Variants in PRKN observed in about 807,000 individuals in gnomAD.
PRKN encodes the protein E3 ubiquitin-protein ligase parkin.
Under a neutral mutation model 59.5 loss-of-function variants are expected in PRKN, and 56 were observed. The observed-to-expected ratio is 0.94, with a 90% confidence interval of 0.76 to 1.18. The LOEUF (loss-of-function observed/expected upper bound fraction) is 1.18, where lower values mean the gene tolerates loss of function less well. PRKN is among the 50% of genes most tolerant of loss of function. The pLI, the probability that PRKN is intolerant of heterozygous loss-of-function variation, is 0.00. For missense variants in PRKN, 657 were observed against 596.4 expected, an observed-to-expected ratio of 1.10 and a Z score of -1.06; for synonymous variants, 250 against 222.1, an observed-to-expected ratio of 1.13 and a Z score of -1.12.
intron 6 of PRKN, among the ~76,000 whole-genome samples, chr6:161,842,750 A>G (rs1227875510): frequency 6.6e-6 from 1 of 151,908 alleles, no homozygotes; most frequent in Non-Finnish European, 1.5e-5. Context: ...GGTTTTCACT[A>G]TGTTGGCCAG....
At chr6:162,319,076 T>C (rs1256076724) in intron 2 of PRKN, among the ~76,000 whole-genome samples, 1 of 152,012 alleles carries the variant, frequency 6.6e-6, no homozygotes, top group African/African-American at 2.4e-5. Context: ...TCTTCATCCT[T>C]GGCACTCAAG....
chr6:162,452,093 T>C (rs946210556), intron 1 of PRKN, among the ~76,000 whole-genome samples: 2 of 152,172 alleles, frequency 1.3e-5, no homozygotes, highest in African/African-American at 2.4e-5. Flanking sequence ...AATATTACAG[T>C]TCAGGAAGAA....
intron 1 of PRKN, among the ~76,000 whole-genome samples, chr6:162,480,682 C>A (rs1194827645): frequency 6.6e-6 from 1 of 152,060 alleles, no homozygotes; most frequent in Non-Finnish European, 1.5e-5. Flanking sequence ...AAGGGCTTCC[C>A]TGACTCTAGC....
chr6:161,936,462 G>A (rs1016964526), intron 6 of PRKN, among the ~76,000 whole-genome samples: 3 of 152,162 alleles, frequency 2.0e-5, no homozygotes, highest in Non-Finnish European at 4.4e-5. Flanking sequence ...ACCTGCCTTT[G>A]CCTCCCAAAG....
intron 2 of PRKN, among the ~76,000 whole-genome samples, chr6:162,391,932 G>A (rs1787219333): frequency 6.6e-6 from 1 of 152,118 alleles, no homozygotes; most frequent in Non-Finnish European, 1.5e-5. Flanking sequence ...GATTTAAATA[G>A]TGCACTTGGC....
intron 7 of PRKN, among the ~76,000 whole-genome samples, chr6:161,691,915 C>A (rs1785812654): frequency 6.6e-6 from 1 of 151,178 alleles, no homozygotes; most frequent in East Asian, 1.9e-4. Flanking sequence ...AGCGAGTGGG[C>A]AAACAGCAAA....
At chr6:161,590,248 G>C (rs905755054) in intron 7 of PRKN, among the ~76,000 whole-genome samples, 2 of 152,136 alleles carry the variant, frequency 1.3e-5, no homozygotes, top group South Asian at 2.1e-4. Flanking sequence ...GGGACAAGCT[G>C]ACACTGTGTG....
chr6:162,002,345 T>C (rs1482785782), intron 5 of PRKN, among the ~76,000 whole-genome samples: 2 of 152,100 alleles, frequency 1.3e-5, no homozygotes, highest in African/African-American at 4.8e-5. Flanking sequence ...ATAGGTACCA[T>C]TCTTTTCAGA....
chr6:161,557,753 G>A lies in PRKN; in HGVS notation c.934-8750C>T, dbSNP rs79443236. ...CTCAAGTCTGAGAAAAATGGCACATGTTCTGTCAAAATGAGTCAATGCTTG... is the reference window on the plus strand; with the variant it reads ...CTCAAGTCTGAGAAAAATGGCACATATTCTGTCAAAATGAGTCAATGCTTG... On this transcript the variant is annotated intron_variant, in intron 8 of 11. Transcript: ENST00000366898. Among the ~76,000 whole-genome samples, 716 of 152,328 alleles carry A rather than the reference G, an allele frequency of 4.7e-3. 3 individuals carry two copies. Among genetic ancestry groups the A allele is most frequent in the African/African-American group, 0.016 (651 of 41,582 alleles).
At position 161,456,137 on chromosome 6, in the gene PRKN, T is replaced by G. The variant is rs147920793; in HGVS notation, c.1084-69260A>C. Among the ~76,000 whole-genome samples, 5 of 152,238 alleles carry G rather than the reference T, an allele frequency of 3.3e-5. No individual in the cohort carries two copies. The highest frequency in any genetic ancestry group is 7.4e-5 in the Non-Finnish European group (5 of 68,022). Reference sequence around the variant, plus strand: ...GGACGCAAAGTATTGTTCCTGGGTGTGTCTGTGAGGGTGTTGCCAAAGGAG... The same window carrying G: ...GGACGCAAAGTATTGTTCCTGGGTGGGTCTGTGAGGGTGTTGCCAAAGGAG... On this transcript the variant is annotated intron_variant, in intron 9 of 11. Coordinates refer to ENST00000366898, the MANE Select transcript of PRKN (RefSeq NM_004562.3). The surrounding 1 kb of genome is among the most constrained non-coding windows in gnomAD (Gnocchi z 4.8).
intron 7 of PRKN, among the ~76,000 whole-genome samples, chr6:161,571,530 A>G (rs1455261631): frequency 6.6e-6 from 1 of 152,238 alleles, no homozygotes; most frequent in Non-Finnish European, 1.5e-5. Context: ...AGATCTGTGC[A>G]TTGTTTCAGA....
chr6:161,654,508 G>A (rs932297257), intron 7 of PRKN, among the ~76,000 whole-genome samples: 2 of 152,150 alleles, frequency 1.3e-5, no homozygotes, highest in African/African-American at 4.8e-5. Flanking sequence ...GAAGGGCCAG[G>A]GGCTTGGACC....
At chr6:162,433,708 C>CCT (rs57275362) in intron 2 of PRKN, among the ~76,000 whole-genome samples, 60,847 of 151,808 alleles carry the variant, frequency 0.4, 13,734 homozygotes, top group African/African-American at 0.63. Flanking sequence ...GTGTTTATTT[C>CCT]CTGTTTTCTG....
intron 4 of PRKN, among the ~76,000 whole-genome samples, chr6:162,176,840 A>G (rs2128321537): frequency 6.6e-6 from 1 of 152,272 alleles, no homozygotes; most frequent in Non-Finnish European, 1.5e-5. Flanking sequence ...ATGGGAGCAG[A>G]GAGAAATGCT....
intron 4 of PRKN, among the ~76,000 whole-genome samples, chr6:162,069,181 T>C (rs1252543103): frequency 1.3e-5 from 2 of 152,104 alleles, no homozygotes; most frequent in Non-Finnish European, 2.9e-5. Context: ...AATAGAATCA[T>C]GGGGGCTGGT....
intron 7 of PRKN, among the ~76,000 whole-genome samples, chr6:161,659,020 C>T (rs61149475): frequency 0.023 from 3,509 of 152,294 alleles, 105 homozygotes; most frequent in East Asian, 0.068. Context: ...CTGAGCACAG[C>T]GACTACCATT....
intron 7 of PRKN, among the ~76,000 whole-genome samples, chr6:161,685,915 C>T (rs1209732375): frequency 6.6e-6 from 1 of 152,184 alleles, no homozygotes; most frequent in African/African-American, 2.4e-5. Context: ...GCCTCAGCAA[C>T]CTCACCCCGG....
chr6:162,086,323 TG>T (rs1184463363), intron 4 of PRKN, among the ~76,000 whole-genome samples: 1 of 152,106 alleles, frequency 6.6e-6, no homozygotes, highest in East Asian at 1.9e-4. Context: ...TTTATTGTTT[TG>T]AAAGCAAAGA....
chr6:162,071,689 C>T (rs114684792), intron 4 of PRKN, among the ~76,000 whole-genome samples: 366 of 151,806 alleles, frequency 2.4e-3, no homozygotes, highest in African/African-American at 8.4e-3. Flanking sequence ...CTCTGCCTGC[C>T]GGGTTCAAGT....
Sources: allele counts gnomAD v4.1 joint callset (sites outside exome capture counted in the v4.1 genomes callset), GRCh38; gene constraint gnomAD v4.1.1; non-coding constraint Gnocchi (gnomAD v3.1); transcripts MANE v1.5; gene names NCBI Gene and HGNC (gene_info 2026-07-23, HGNC 2026-07-21).